Variants in ARFGEF3 observed in about 807,000 individuals in gnomAD.
ARFGEF3 encodes brefeldin A-inhibited guanine nucleotide-exchange protein 3.
Under a neutral mutation model 221.7 loss-of-function variants are expected in ARFGEF3, and 96 were observed. The observed-to-expected ratio is 0.43, with a 90% CI of 0.37 to 0.51. The LOEUF (loss-of-function observed/expected upper bound fraction) is 0.51, where lower values mean the gene tolerates loss of function less well. ARFGEF3 is among the 20% of genes least tolerant of loss of function. The pLI is 0.00. For missense variants in ARFGEF3, 2,410 were observed against 2,789.9 expected, an observed-to-expected ratio of 0.86 and a Z score of 3.07; for synonymous variants, 1,145 against 1,126.8, an observed-to-expected ratio of 1.02 and a Z score of -0.32.
At chr6:138,313,979 G>A (rs1026645393) in intron 26 of ARFGEF3, 40 bp downstream of exon 26, 1 of 1,598,032 alleles carries the variant, frequency 6.3e-7, no homozygotes, top group Non-Finnish European at 8.6e-7. Flanking sequence ...TATTTGCTGT[G>A]TTCATATTCC....
Position 138,259,158 on chromosome 6 carries a change from T to C in ARFGEF3, c.1105-2369T>C, listed in dbSNP as rs935035115. Among the ~76,000 whole-genome samples the C allele has an allele frequency of 5.3e-5, 8 of 152,208 alleles. 1 individual carries two copies. The South Asian group carries it at 6.2e-4, about 12-fold the overall frequency. ...ACTTTATACGACAAAACCAATCGTT[T>C]GGGAAAGTTGGTAACCTAGATACCA... is the stretch of plus-strand genomic sequence containing the variant. On this transcript the variant is annotated intron_variant, in intron 10 of 33. Coordinates refer to ENST00000251691, the MANE Select transcript of ARFGEF3 (RefSeq NM_020340.5).
rs562661545 is a variant in ARFGEF3 at position 138,237,706 on chromosome 6, A to G, written c.421-803A>G. 2.4e-4 allele frequency among the ~76,000 whole-genome samples: 36 copies of G among 152,246 alleles called. No homozygotes were observed. The Middle Eastern group carries it at 0.014, about 58-fold the overall frequency. ...TTCCTGGGGTTCCTCACAGCAGCCT[A>G]GAGAAGAACCTCTGGCTCTCAAATG... is the stretch of plus-strand genomic sequence containing the variant. On this transcript the variant is annotated intron_variant, in intron 5 of 33. Coordinates refer to ENST00000251691, the MANE Select transcript of ARFGEF3 (RefSeq NM_020340.5).
chr6:138,199,606 A>G (rs553313078), intron 2 of ARFGEF3, among the ~76,000 whole-genome samples: 2 of 152,262 alleles, frequency 1.3e-5, no homozygotes, highest in South Asian at 4.1e-4. Context: ...TTTGTTAGGT[A>G]TATTCCTAAA....
At chr6:138,274,303 C>T (rs1011311782) in intron 12 of ARFGEF3, among the ~76,000 whole-genome samples, 1 of 152,156 alleles carries the variant, frequency 6.6e-6, no homozygotes, top group Non-Finnish European at 1.5e-5. Context: ...AACACCCAAT[C>T]CTGAATGCTA....
intron 1 of ARFGEF3, among the ~76,000 whole-genome samples, chr6:138,167,202 G>A (rs1776740103): frequency 6.6e-6 from 1 of 152,188 alleles, no homozygotes; most frequent in Admixed American, 6.5e-5. Context: ...GCTAGTGCCA[G>A]ATTCTGTCCC....
chr6:138,162,237 C>A lies in ARFGEF3; in HGVS notation c.85+66C>A. 1 of 1,226,968 alleles carries A rather than the reference C, an allele frequency of 8.2e-7. No homozygotes were observed. Among genetic ancestry groups the A allele is most frequent in the Non-Finnish European group, 1.1e-6 (1 of 873,364 alleles). 76.0% of individuals were successfully genotyped at this position (1,226,968 alleles called of 1,614,324 possible). A position where few individuals can be genotyped will look rare whatever the true frequency, so the allele number is the denominator to read the frequency against. Reference sequence around the variant, plus strand: ...GCGGCCGGGGCTGAACCCGCGCCTCCGCGCGTGGGGCTTTCGCGGAGCGTC... The same window carrying A: ...GCGGCCGGGGCTGAACCCGCGCCTCAGCGCGTGGGGCTTTCGCGGAGCGTC... On this transcript the variant is annotated intron_variant, in intron 1 of 33. Transcript: ENST00000251691. This position sits in a 1 kb window ranked among gnomAD's most constrained non-coding sequence, Gnocchi z 4.7.
rs1221555303 is a variant in ARFGEF3 at position 138,285,991 on chromosome 6, C to G, written c.2507C>G (p.Ala836Gly). 6.2e-7 allele frequency: 1 copy of G among 1,611,248 alleles called. No individual in the cohort carries two copies. Among genetic ancestry groups the G allele is most frequent in the African/African-American group, 1.3e-5 (1 of 74,936 alleles). Residue 836 changes from alanine to glycine, a missense_variant, in exon 15 of 34, where the codon GCC becomes GGC. Coordinates refer to ENST00000251691, the MANE Select transcript of ARFGEF3 (RefSeq NM_020340.5). Reference sequence around the variant, plus strand: ...AGTGCCATTGGTGGCCAGCTGATGGCCTCGGCTGCTACAGAGTCTCCTTTC... The same window carrying G: ...AGTGCCATTGGTGGCCAGCTGATGGGCTCGGCTGCTACAGAGTCTCCTTTC... ...ESSAIGGQLM[A>G]SAATESPFAQ...
intron 2 of ARFGEF3, among the ~76,000 whole-genome samples, chr6:138,194,137 G>A (rs929109940): frequency 7.2e-5 from 11 of 151,924 alleles, no homozygotes; most frequent in African/African-American, 1.5e-4. Context: ...GCGTGGTGGC[G>A]GGCGCCTGTA....
intron 4 of ARFGEF3, among the ~76,000 whole-genome samples, chr6:138,222,693 G>A (rs1454588112): frequency 6.6e-6 from 1 of 152,106 alleles, no homozygotes; most frequent in Non-Finnish European, 1.5e-5. Flanking sequence ...TAAGAAAAAA[G>A]GTTTGTCTTT....
Position 138,319,775 on chromosome 6 carries a change from A to G in ARFGEF3, c.4547A>G (p.His1516Arg), listed in dbSNP as rs774656124. The G allele has an allele frequency of 4.3e-6, 7 of 1,613,940 alleles. No homozygotes were observed. Among genetic ancestry groups the G allele is most frequent in the Non-Finnish European group, 5.1e-6 (6 of 1,179,842 alleles). The stretch of plus-strand genomic sequence containing the variant: ...ATGTCCGTTTGGCTCCGCCGGAGCC[A>G]TAAAGACCATTCCTACTGGGATATG... Reference protein sequence around the residue: ...PVMSVWLRRSHKDHSYWDMAS... With the variant: ...PVMSVWLRRSRKDHSYWDMAS... Residue 1516 changes from histidine to arginine, a missense_variant, in exon 28 of 34, where the codon CAT (histidine) becomes CGT (arginine). Coordinates refer to ENST00000251691, the MANE Select transcript of ARFGEF3 (RefSeq NM_020340.5).
intron 2 of ARFGEF3, among the ~76,000 whole-genome samples, chr6:138,177,328 A>C (rs931189351): frequency 6.6e-6 from 1 of 152,100 alleles, no homozygotes; most frequent in Non-Finnish European, 1.5e-5. Context: ...CATGTTGCCC[A>C]GGCTGGTCTC....
At position 138,291,869 on chromosome 6, in the gene ARFGEF3, C is replaced by A. The variant is rs947030254; in HGVS notation, c.3184C>A (p.Pro1062Thr). 1.3e-6 allele frequency: 2 copies of A among 1,497,062 alleles called. No individual in the cohort carries two copies. The highest frequency in any genetic ancestry group is 1.8e-6 in the Non-Finnish European group (2 of 1,118,742). 92.7% of individuals were successfully genotyped at this position (1,497,062 alleles called of 1,614,324 possible). Reference protein sequence around the residue: ...LLGDPECEGSPPEHSPEQGRS... With the variant: ...LLGDPECEGSTPEHSPEQGRS... ...TGGGGACCCCGAGTGTGAGGGCTCG[C>A]CCCCCGAGCACAGCCCGGAGCAGGG... Residue 1062 changes from proline (P) to threonine (T), a missense_variant, in exon 19 of 34, where the codon CCC (proline) becomes ACC (threonine). Transcript: ENST00000251691. The surrounding 1 kb of genome is among the most constrained non-coding windows in gnomAD (Gnocchi z 4.5).
Position 138,336,312 on chromosome 6 carries a change from G to A in ARFGEF3, c.6360G>A (p.Val2120=). 1 of 1,590,452 alleles carries A rather than the reference G, an allele frequency of 6.3e-7. No individual in the cohort carries two copies. The highest frequency in any genetic ancestry group is 8.6e-7 in the Non-Finnish European group (1 of 1,169,076). ...TCTCTTAGGCATGGACCAACATGGT[G>A]CTAACAGTTCTCAATCAGATTCAGA... ...EAQIQAWTNM[V]LTVLNQIQIL... Residue 2120 remains valine, a synonymous_variant, in exon 34 of 34, where the codon GTG becomes GTA. Coordinates refer to ENST00000251691, the MANE Select transcript of ARFGEF3 (RefSeq NM_020340.5).
At chr6:138,198,013 G>T (rs1777463209) in intron 2 of ARFGEF3, among the ~76,000 whole-genome samples, 1 of 152,086 alleles carries the variant, frequency 6.6e-6, no homozygotes, top group Non-Finnish European at 1.5e-5. Flanking sequence ...TTGCATTGGT[G>T]TATATTTATG....
intron 4 of ARFGEF3, among the ~76,000 whole-genome samples, chr6:138,220,966 C>T (rs117985640): frequency 0.013 from 2,013 of 152,292 alleles, 30 homozygotes; most frequent in Middle Eastern, 0.058. Flanking sequence ...GTATCGGAAA[C>T]CACCCCAAAA....
intron 4 of ARFGEF3, chr6:138,218,489 G>A: frequency 6.9e-7 from 1 of 1,445,298 alleles, no homozygotes; most frequent in Non-Finnish European, 9.1e-7. Context: ...TATATTTAAG[G>A]TCCTAACCAT....
intron 17 of ARFGEF3, among the ~76,000 whole-genome samples, chr6:138,288,787 T>TA (rs576281750): frequency 0.029 from 4,350 of 152,340 alleles, 71 homozygotes; most frequent in Non-Finnish European, 0.044. Context: ...TCCTTTGAGG[T>TA]TGGCTTGCTA....
At chr6:138,170,988 G>A (rs1266287908) in intron 2 of ARFGEF3, among the ~76,000 whole-genome samples, 2 of 152,078 alleles carry the variant, frequency 1.3e-5, no homozygotes, top group African/African-American at 4.8e-5. Context: ...AAGAGAGAAG[G>A]GGACTGAATG....
chr6:138,270,516 T>TC (rs1458262240), intron 12 of ARFGEF3, among the ~76,000 whole-genome samples: 1 of 151,954 alleles, frequency 6.6e-6, no homozygotes, highest in East Asian at 1.9e-4. Context: ...AGATCCCAGC[T>TC]CTAGCACTGA....
Sources: allele counts gnomAD v4.1 joint callset (sites outside exome capture counted in the v4.1 genomes callset), GRCh38; gene constraint gnomAD v4.1.1; non-coding constraint Gnocchi (gnomAD v3.1); transcripts MANE v1.5; gene names NCBI Gene and HGNC (gene_info 2026-07-23, HGNC 2026-07-21).